The following ZNF564 variants were observed in gnomAD, a reference collection of about 807,000 sequenced individuals.
The protein encoded by ZNF564 is zinc finger protein 564.
In ZNF564, 5 loss-of-function variants were observed where a neutral mutation model predicts 10.5. The ratio of observed to expected loss-of-function variants is 0.48; its 90% CI spans 0.25 to 1.00. ZNF564 has a LOEUF of 1.00. ZNF564 is among the 50% of genes least tolerant of loss of function. ZNF564 has a pLI of 0.16. For synonymous variants in ZNF564, 242 were observed against 218.1 expected (o/e 1.11, Z -0.97); for missense variants, 603 against 669.7 (o/e 0.90, Z 1.10).
chr19:12,532,936 C>T (rs1041889384), intron 1 of ZNF564: 1 of 152,108 alleles, frequency 6.6e-6, no homozygotes, highest in Non-Finnish European at 1.5e-5. Flanking sequence ...TGCAGCACCC[C>T]TCCAGCAGTA....
At chr19:12,528,062 G>C (rs183780468) in intron 3 of ZNF564, 146 bp from the exon 4 acceptor site, 5 of 962,502 alleles carry the variant, frequency 5.2e-6, no homozygotes, top group Non-Finnish European at 7.7e-6. Context: ...GGAATGCTCT[G>C]CAAGAGAGCT....
Position 12,548,832 on chromosome 19 carries a change from AAC to A in ZNF564, c.3+2496_3+2497del, listed in dbSNP as rs1460700617. Reference sequence around the variant, plus strand: ...CCAAAGTCCAGATGAAAGGATACAGAACAGTTATCCATTACGACAAAATCTCT... The same window carrying A: ...CCAAAGTCCAGATGAAAGGATACAGAAGTTATCCATTACGACAAAATCTCT... On this transcript the variant is annotated intron_variant, in intron 1 of 3. Transcript: ENST00000339282. 4.3e-6 allele frequency: 3 copies of A among 702,970 alleles called. 1 individual carries two copies. In the Admixed American group the frequency reaches 6.0e-5, roughly 14 times the overall value. The allele number at this position is 702,970 out of a possible 1,614,324, so 43.5% of individuals were successfully genotyped here.
rs912984361 is a variant in ZNF564, at chr19:12,525,997, A to AG, written c.*448dup. 13 of 153,630 alleles carry AG rather than the reference A, an allele frequency of 8.5e-5. No homozygotes were observed. Among genetic ancestry groups the AG allele is most frequent in the Middle Eastern group, 3.4e-3 (1 of 298 alleles). The allele number at this position is 153,630 out of a possible 1,614,324, so 9.5% of individuals were successfully genotyped here. ...CAAATACCATCACATTGTGGGGGAGAGGGGGGGCACGGGGGTAAGGTTTCA... is the reference window on the plus strand; with the variant it reads ...CAAATACCATCACATTGTGGGGGAGAGGGGGGGGCACGGGGGTAAGGTTTCA... On this transcript the variant is annotated 3_prime_UTR_variant, in exon 4 of 4. Transcript: ENST00000339282.
At chr19:12,533,906 G>A (rs1272772596) in intron 1 of ZNF564, among the ~76,000 whole-genome samples, 4 of 150,086 alleles carry the variant, frequency 2.7e-5, no homozygotes, top group Non-Finnish European at 5.9e-5. Flanking sequence ...TCGGTTATTG[G>A]AGAACACCAA....
intron 1 of ZNF564, among the ~76,000 whole-genome samples, chr19:12,545,090 G>A (rs1052310083): frequency 2.6e-5 from 4 of 151,812 alleles, no homozygotes; most frequent in East Asian, 1.9e-4. Context: ...GAAACCCCCC[G>A]TCTCTACTAA....
At chr19:12,543,938 TTCCTCTC>T (rs1293914809) in intron 1 of ZNF564, among the ~76,000 whole-genome samples, 7 of 152,156 alleles carry the variant, frequency 4.6e-5, no homozygotes, top group African/African-American at 1.7e-4. Context: ...GACAGCTTGC[TTCCTCTC>T]TCCTCTGCCT....
rs1476437464 is a variant in ZNF564, at chr19:12,551,378, C to A, written c.-46G>T. On this transcript the variant is annotated 5_prime_UTR_variant, in exon 1 of 4. Transcript: ENST00000339282. ...CCGGGGTCCTGCCTACGGCTCTCTC[C>A]GGCCTGTGCAGGTCCCAGCGCGCCA... is the stretch of plus-strand genomic sequence containing the variant. The A allele has an allele frequency of 8.9e-6, 14 of 1,578,988 alleles. No individual in the cohort carries two copies. The highest frequency in any genetic ancestry group is 1.2e-5 in the Non-Finnish European group (14 of 1,162,980).
At chr19:12,551,096 GC>G (rs2022249515) in intron 1 of ZNF564, among the ~76,000 whole-genome samples, 1 of 152,258 alleles carries the variant, frequency 6.6e-6, no homozygotes, top group Non-Finnish European at 1.5e-5. Flanking sequence ...CCCAGACAGG[GC>G]TCCGAGGCCG....
At chr19:12,542,154 C>T (rs1477470070) in intron 1 of ZNF564, among the ~76,000 whole-genome samples, 1 of 150,110 alleles carries the variant, frequency 6.7e-6, no homozygotes, top group East Asian at 2.0e-4. Flanking sequence ...ACTAAAAATA[C>T]AAAAATTAGC....
chr19:12,526,565 T>C lies in ZNF564; in HGVS notation c.1543A>G (p.Ser515Gly), dbSNP rs776033796. Residue 515 changes from serine to glycine, a missense_variant, in exon 4 of 4, where the codon AGT (serine) becomes GGT (glycine). Coordinates refer to ENST00000339282, the MANE Select transcript of ZNF564 (RefSeq NM_144976.4). ...TGTCTTTGAAAGGAACTGGAATAAC[T>C]GAACGTTTTTCCACATTGCTTACAT... ...YECKQCGKTF[S>G]YSSSFQRHER... 6.2e-6 allele frequency: 10 copies of C among 1,614,068 alleles called. No individual in the cohort carries two copies. Among genetic ancestry groups the C allele is most frequent in the Non-Finnish European group, 8.5e-6 (10 of 1,180,034 alleles).
At chr19:12,532,646 T>A (rs1599279388) in intron 1 of ZNF564, among the ~76,000 whole-genome samples, 1 of 150,110 alleles carries the variant, frequency 6.7e-6, no homozygotes, top group Non-Finnish European at 1.5e-5. Flanking sequence ...TGCTGCAGCC[T>A]GGGAGTTCAA....
intron 1 of ZNF564, among the ~76,000 whole-genome samples, chr19:12,536,219 C>T (rs2021909725): frequency 6.6e-6 from 1 of 152,134 alleles, no homozygotes; most frequent in African/African-American, 2.4e-5. Flanking sequence ...TTTTGTCACC[C>T]AGATTGGAGT....
chr19:12,551,355 G>A lies in ZNF564; in HGVS notation c.-23C>T, dbSNP rs2145104106. The A allele has an allele frequency of 4.4e-6, 7 of 1,601,506 alleles. No individual in the cohort carries two copies. Among genetic ancestry groups the A allele is most frequent in the Non-Finnish European group, 6.0e-6 (7 of 1,174,440 alleles). ...CATTTCCTGGCTTCCAGGGTGTCCC[G>A]GGGTCCTGCCTACGGCTCTCTCCGG... On this transcript the variant is annotated 5_prime_UTR_variant, in exon 1 of 4. Transcript: ENST00000339282.
rs369366732 is a variant in ZNF564 at position 12,527,927 on chromosome 19, T to C, written c.192-11A>G. 4.8e-5 allele frequency: 75 copies of C among 1,566,772 alleles called. No homozygotes were observed. Among genetic ancestry groups the C allele is most frequent in the East Asian group, 9.0e-5 (4 of 44,512 alleles). ...TCTTCCATATGATTTCTGGAAAAAATAGAAAGCAAGATTTAGTGGTTTGTG... is the reference window on the plus strand; with the variant it reads ...TCTTCCATATGATTTCTGGAAAAAACAGAAAGCAAGATTTAGTGGTTTGTG... On this transcript the variant is annotated splice_polypyrimidine_tract_variant and intron_variant, in intron 3 of 3. Transcript: ENST00000339282.
At chr19:12,542,305 T>C (rs2022069712) in intron 1 of ZNF564, among the ~76,000 whole-genome samples, 1 of 78,144 alleles carries the variant, frequency 1.3e-5, no homozygotes, top group South Asian at 3.8e-4. Flanking sequence ...TGAGACTCTG[T>C]CTCAAAAAAA....
chr19:12,546,383 G>C (rs1355561797), intron 1 of ZNF564, among the ~76,000 whole-genome samples: 3 of 152,252 alleles, frequency 2.0e-5, no homozygotes, highest in Admixed American at 2.0e-4. Flanking sequence ...GCATACTGCG[G>C]GGGAAAAAAC....
chr19:12,551,306 A>G, intron 1 of ZNF564, 24 bp downstream of exon 1: 1 of 1,604,922 alleles, frequency 6.2e-7, no homozygotes, highest in East Asian at 2.3e-5. Context: ...CCCAGTCTCC[A>G]GGCGCCCGGC....
intron 1 of ZNF564, among the ~76,000 whole-genome samples, chr19:12,543,598 C>T (rs538496113): frequency 9.0e-5 from 12 of 133,800 alleles, no homozygotes; most frequent in East Asian, 4.8e-4. Context: ...CACTTGAACC[C>T]GGGAGGTGGA....
chr19:12,548,620 G>A (rs573662211), intron 1 of ZNF564: 8 of 548,996 alleles, frequency 1.5e-5, no homozygotes, highest in East Asian at 1.5e-4. Flanking sequence ...GATAACAGGC[G>A]TCAGCCATCG....
Sources: gnomAD v4.1 joint callset for allele counts (sites outside exome capture counted in the v4.1 genomes callset) on GRCh38, gnomAD v4.1.1 for gene constraint, MANE v1.5 for transcripts, NCBI Gene and HGNC (gene_info 2026-07-23, HGNC 2026-07-21) for gene names.